BEST3: variants seen among roughly 807,000 people sequenced by gnomAD.
BEST3 encodes bestrophin-3.
Under a neutral mutation model 47.1 loss-of-function variants are expected in BEST3, and 50 were observed. That is an observed-to-expected ratio of 1.06 (90% CI 0.85 to 1.34). BEST3 has a LOEUF of 1.34. BEST3 is among the 40% of genes most tolerant of loss of function. The pLI, the probability that BEST3 is intolerant of heterozygous loss-of-function variation, is 0.00. For synonymous variants in BEST3, 282 were observed against 298.8 expected (o/e 0.94, Z 0.58); for missense variants, 765 against 817.0 (o/e 0.94, Z 0.78).
intron 9 of BEST3, among the ~76,000 whole-genome samples, chr12:69,645,365 CT>C (rs1279244515): frequency 1.3e-5 from 2 of 152,304 alleles, no homozygotes; most frequent in Admixed American, 6.5e-5. Context: ...TACTTCACAG[CT>C]TGTTAAGAGA....
rs896466756 is a variant in BEST3 at position 69,684,421 on chromosome 12, T to C, written c.482-5528A>G. ...CCAAAGGATTAATTACATCCATTGA[T>C]AGACAAAATTCCAGTCATCATAGAG... On this transcript the variant is annotated intron_variant, in intron 4 of 9. Transcript: ENST00000330891. 2.9e-4 allele frequency: 134 copies of C among 467,530 alleles called. No individual in the cohort carries two copies. The East Asian group carries it at 3.0e-3, about 11-fold the overall frequency. 29.0% of individuals were successfully genotyped at this position (467,530 alleles called of 1,614,324 possible).
At chr12:69,669,811 A>G (rs1370513957) in intron 9 of BEST3, 2 of 152,350 alleles carry the variant, frequency 1.3e-5, no homozygotes, top group East Asian at 3.9e-4. Context: ...AAGAACATGA[A>G]CATTTATGTA....
At position 69,654,248 on chromosome 12, in the gene BEST3, C is replaced by A. The variant is rs116731911; in HGVS notation, c.*659G>T. 595 of 984,378 alleles carry A rather than the reference C, an allele frequency of 6.0e-4. 4 individuals are homozygous for A. The African/African-American group carries it at 9.5e-3, about 16-fold the overall frequency. The allele number at this position is 984,378 out of a possible 1,614,324, so 61.0% of individuals were successfully genotyped here. On this transcript the variant is annotated 3_prime_UTR_variant, in exon 10 of 10. Transcript: ENST00000330891. ...CAGATTACTAGAAAAGCAGCACAACCAGGGAGAAGGGAAGGGAAAAAAAGG... is the reference window on the plus strand; with the variant it reads ...CAGATTACTAGAAAAGCAGCACAACAAGGGAGAAGGGAAGGGAAAAAAAGG...
chr12:69,669,043 A>G (rs1316624303), intron 9 of BEST3, among the ~76,000 whole-genome samples: 3 of 152,174 alleles, frequency 2.0e-5, no homozygotes, highest in Non-Finnish European at 4.4e-5. Flanking sequence ...CTCTGGATCT[A>G]GTGACACCCA....
chr12:69,655,081 C>G lies in BEST3; in HGVS notation c.1833G>C (p.Met611Ile). Residue 611 changes from methionine to isoleucine, a missense_variant, in exon 10 of 10, where the codon ATG becomes ATC. Coordinates refer to ENST00000330891, the MANE Select transcript of BEST3 (RefSeq NM_032735.3). ...CAATTAAAAGAGCTGGCTGAGAGCT[C>G]ATGGGGTCTGGACTTAGGTTTCCCA... is the stretch of plus-strand genomic sequence containing the variant. ...TSLGNLSPDP[M>I]SSQPALLIDT... 6.2e-7 allele frequency: 1 copy of G among 1,614,170 alleles called. No individual in the cohort carries two copies. Among genetic ancestry groups the G allele is most frequent in the Non-Finnish European group, 8.5e-7 (1 of 1,180,032 alleles).
intron 5 of BEST3, 102 bp downstream of exon 5, chr12:69,678,637 C>G (rs949548787): frequency 1.8e-6 from 2 of 1,128,506 alleles, no homozygotes; most frequent in Non-Finnish European, 2.6e-6. Context: ...CCTCTGGAAC[C>G]AGGACTGAAC....
intron 9 of BEST3, among the ~76,000 whole-genome samples, chr12:69,666,477 A>G (rs1351506977): frequency 6.6e-6 from 1 of 152,236 alleles, no homozygotes; most frequent in Non-Finnish European, 1.5e-5. Context: ...AACCTATGGC[A>G]TGCTTTTCAG....
chr12:69,681,463 A>T (rs775478), intron 4 of BEST3, among the ~76,000 whole-genome samples: 106,824 of 152,030 alleles, frequency 0.7, 37,588 homozygotes, highest in South Asian at 0.81. Flanking sequence ...TAAATAAATT[A>T]AAAAAATCCT....
Position 69,694,423 on chromosome 12 carries a change from A to T in BEST3, c.194T>A (p.Leu65Ter). The change falls in exon 3 of 10, where the codon TTA becomes TAA. Residue 65 changes from leucine to a stop codon, truncating the protein, a stop_gained. Transcript: ENST00000330891. LOFTEE classifies it high-confidence loss of function. ...AGCATATCTGTCACAGTAAATTGAT[A>T]ATTTTTCAAAGTAACGTTTTTGGAC... ...TGVQKRYFEK[L>*]SIYCDRYAEQ... The T allele has an allele frequency of 6.2e-7, 1 of 1,609,596 alleles. No individual in the cohort carries two copies. Among genetic ancestry groups the T allele is most frequent in the Non-Finnish European group, 8.5e-7 (1 of 1,178,100 alleles).
intron 4 of BEST3, among the ~76,000 whole-genome samples, chr12:69,680,387 C>T (rs371550912): frequency 6.8e-5 from 10 of 146,238 alleles, no homozygotes; most frequent in Non-Finnish European, 1.3e-4. Flanking sequence ...CAGCTCACTG[C>T]AAGCTCTGCC....
At chr12:69,657,488 C>T (rs865805906) in intron 9 of BEST3, among the ~76,000 whole-genome samples, 3 of 152,100 alleles carry the variant, frequency 2.0e-5, no homozygotes, top group Admixed American at 6.5e-5. Context: ...ACTCTGGCCT[C>T]GGATTACATA....
Position 69,648,575 on chromosome 12 carries a change from A to G in BEST3, c.1101-4788T>C, listed in dbSNP as rs552701460. 7.2e-5 allele frequency among the ~76,000 whole-genome samples: 11 copies of G among 152,306 alleles called. No individual in the cohort carries two copies. The East Asian group carries it at 1.5e-3, about 21-fold the overall frequency. Reference sequence around the variant, plus strand: ...AGAAGGCATGTTCTTATTTCTCAGGACCTGCAGAGAGAGTGGCAGATCCAT... The same window carrying G: ...AGAAGGCATGTTCTTATTTCTCAGGGCCTGCAGAGAGAGTGGCAGATCCAT... On this transcript the variant is annotated intron_variant, in intron 9 of 9. Coordinates refer to the BEST3 transcript ENST00000331471.
intron 4 of BEST3, among the ~76,000 whole-genome samples, chr12:69,687,824 C>T (rs911478991): frequency 1.3e-5 from 2 of 152,154 alleles, no homozygotes; most frequent in African/African-American, 4.8e-5. Flanking sequence ...TAAAGTTTAA[C>T]TGTAAATATA....
rs199722740 is a variant in BEST3 at position 69,654,801 on chromosome 12, GT to G, written c.*105del. The stretch of plus-strand genomic sequence containing the variant: ...TAAGTAGCTTATACAGTGTGATCAT[GT>G]TTTTTAAAAAGTCGACCAGCCTTCA... On this transcript the variant is annotated 3_prime_UTR_variant, in exon 10 of 10. Transcript: ENST00000330891. The G allele has an allele frequency of 3.0e-5, 44 of 1,478,354 alleles. No homozygotes were observed. The East Asian group carries it at 1.0e-3, about 34-fold the overall frequency. The allele number at this position is 1,478,354 out of a possible 1,614,324, so 91.6% of individuals were successfully genotyped here. A position where few individuals can be genotyped will look rare whatever the true frequency, so the allele number is the denominator to read the frequency against.
intron 8 of BEST3, 73 bp from the exon 9 acceptor site, chr12:69,671,652 A>G: frequency 7.0e-7 from 1 of 1,437,784 alleles, no homozygotes; most frequent in Non-Finnish European, 9.7e-7. Flanking sequence ...TTTTGGGCAG[A>G]TGAGAGTTAG....
intron 4 of BEST3, chr12:69,683,390 T>G (rs1041063500): frequency 2.0e-5 from 3 of 152,218 alleles, no homozygotes; most frequent in African/African-American, 4.8e-5. Flanking sequence ...TTATCCAAAG[T>G]GTGAAAGGAA....
At chr12:69,688,990 A>C in intron 4 of BEST3, 5 of 560,758 alleles carry the variant, frequency 8.9e-6, no homozygotes, top group Non-Finnish European at 1.1e-5. Context: ...GATTTTATGT[A>C]GAGAATTCAA....
rs952666454 is a variant in BEST3 at position 69,671,638 on chromosome 12, GT to G, written c.949-60del. ...GATGTAAATTAAATAAAAAGGAGAA[GT>G]TTTTTTGGGCAGATGAGAGTTAGAT... On this transcript the variant is annotated intron_variant, in intron 8 of 9. Transcript: ENST00000330891. 13 of 1,542,952 alleles carry G rather than the reference GT, an allele frequency of 8.4e-6. No homozygotes were observed. In the African/African-American group the frequency reaches 1.4e-4, roughly 16 times the overall value.
chr12:69,671,919 T>C (rs1016701524), intron 8 of BEST3, among the ~76,000 whole-genome samples: 1 of 152,192 alleles, frequency 6.6e-6, no homozygotes, highest in East Asian at 1.9e-4. Context: ...TTTTACCTGA[T>C]AGCACCTACT....
Sources: gnomAD v4.1 joint callset for allele counts (sites outside exome capture counted in the v4.1 genomes callset) on GRCh38, gnomAD v4.1.1 for gene constraint, MANE v1.5 for transcripts, NCBI Gene and HGNC (gene_info 2026-07-23, HGNC 2026-07-21) for gene names.